BANP: variants seen among roughly 807,000 people sequenced by gnomAD.
The protein encoded by BANP is BTG3 associated nuclear protein.
BANP carries 11 observed loss-of-function variants against 68.1 expected under a neutral mutation model. That is an observed-to-expected ratio of 0.16 (90% CI 0.10 to 0.27). The LOEUF (loss-of-function observed/expected upper bound fraction) is 0.27, where lower values mean the gene tolerates loss of function less well. Among genes scored for constraint, BANP ranks in the 10% least tolerant of loss-of-function variants. The probability of loss-of-function intolerance (pLI) is 1.00; values close to 1 mark genes in which losing one functional copy is unlikely to be tolerated. For missense variants in BANP, 504 were observed against 722.7 expected (o/e 0.70, Z 3.47); for synonymous variants, 329 against 303.2 (o/e 1.09, Z -0.88).
At chr16:88,019,948 G>A (rs187103666) in intron 7 of BANP, among the ~76,000 whole-genome samples, 7 of 152,318 alleles carry the variant, frequency 4.6e-5, no homozygotes, top group Admixed American at 2.6e-4. Flanking sequence ...ACCCACATGC[G>A]TGTGAGCAGG....
chr16:88,055,288 C>T lies in BANP; in HGVS notation c.1312-9979C>T, dbSNP rs148827505. 4.8e-3 allele frequency among the ~76,000 whole-genome samples: 726 copies of T among 152,198 alleles called. 6 individuals are homozygous for T. Among genetic ancestry groups the T allele is most frequent in the African/African-American group, 0.016 (674 of 41,514 alleles). ...AATCCATACACCCACCCACCCCCTC[C>T]GCACACACACCCCTGAATGATTGAA... On this transcript the variant is annotated intron_variant, in intron 11 of 13. Transcript: ENST00000682872.
intron 2 of BANP, among the ~76,000 whole-genome samples, chr16:87,979,456 C>T (rs2062843189): frequency 1.3e-5 from 2 of 151,714 alleles, no homozygotes. Flanking sequence ...GGAACGGCTT[C>T]CCGAACTAGG....
chr16:88,026,595 A>T (rs924213985), intron 7 of BANP, among the ~76,000 whole-genome samples: 2 of 152,020 alleles, frequency 1.3e-5, no homozygotes, highest in Admixed American at 6.5e-5. Context: ...GAATTCTCCA[A>T]ACTGTGTTTA....
chr16:88,054,365 C>T (rs2084390448), intron 11 of BANP, among the ~76,000 whole-genome samples: 1 of 148,280 alleles, frequency 6.7e-6, no homozygotes, highest in African/African-American at 2.5e-5. Context: ...ACCCTAACAA[C>T]CACTACCACC....
chr16:88,076,916 G>T lies in BANP; in HGVS notation c.*255G>T. ...CGAGGGGAGGCACGGTGCGGAGAGC[G>T]TCGCATATGCGCGGGAAATCAAGAA... On this transcript the variant is annotated 3_prime_UTR_variant, in exon 14 of 14. Coordinates refer to ENST00000682872, the MANE Select transcript of BANP (RefSeq NM_001386991.1). 2.1e-6 allele frequency: 1 copy of T among 466,708 alleles called. No individual in the cohort carries two copies. Among genetic ancestry groups the T allele is most frequent in the Non-Finnish European group, 3.8e-6 (1 of 264,186 alleles). 28.9% of individuals were successfully genotyped at this position (466,708 alleles called of 1,614,324 possible).
At chr16:88,056,696 G>A (rs759535423) in intron 11 of BANP, among the ~76,000 whole-genome samples, 178 of 146,348 alleles carry the variant, frequency 1.2e-3, no homozygotes, top group African/African-American at 4.1e-3. Flanking sequence ...ATGTCAGACA[G>A]TGGTGGCAGG....
chr16:88,016,937 C>T (rs1355079663), intron 6 of BANP, among the ~76,000 whole-genome samples: 2 of 152,208 alleles, frequency 1.3e-5, no homozygotes, highest in African/African-American at 4.8e-5. Context: ...ACTGGCCTGC[C>T]CCTGTGACAA....
At chr16:88,072,776 G>T (rs1422001624) in intron 13 of BANP, among the ~76,000 whole-genome samples, 2 of 152,258 alleles carry the variant, frequency 1.3e-5, no homozygotes, top group Non-Finnish European at 2.9e-5. Flanking sequence ...GCCCCGTGAT[G>T]CCGTGGGCTG....
At chr16:87,985,714 G>T (rs114391544) in intron 4 of BANP, among the ~76,000 whole-genome samples, 2,472 of 152,286 alleles carry the variant, frequency 0.016, 67 homozygotes, top group African/African-American at 0.057. Flanking sequence ...GTCCCACCTG[G>T]TATGTTGCGT....
At chr16:88,067,969 G>A (rs750300652) in intron 12 of BANP, among the ~76,000 whole-genome samples, 11 of 150,198 alleles carry the variant, frequency 7.3e-5, no homozygotes, top group Non-Finnish European at 1.3e-4. Context: ...CAACAGACCC[G>A]CCCTCCCCCC....
At chr16:87,979,209 T>G (rs1234555584) in intron 2 of BANP, among the ~76,000 whole-genome samples, 2 of 152,154 alleles carry the variant, frequency 1.3e-5, no homozygotes, top group East Asian at 3.9e-4. Flanking sequence ...GGAATGTCAA[T>G]GTATGTAACA....
Position 88,018,682 on chromosome 16 carries a change from G to T in BANP, c.895+15G>T, listed in dbSNP as rs375486367. On this transcript the variant is annotated intron_variant, in intron 7 of 13. Coordinates refer to ENST00000682872, the MANE Select transcript of BANP (RefSeq NM_001386991.1). The surrounding 1 kb of genome is among the most constrained non-coding windows in gnomAD (Gnocchi z 7.7). Reference sequence around the variant, plus strand: ...CGGCATCCGGTGTAAGTCGGGCCCCGCCTTGGGGGACTGGGGTGTGCGGGG... The same window carrying T: ...CGGCATCCGGTGTAAGTCGGGCCCCTCCTTGGGGGACTGGGGTGTGCGGGG... 9.1e-4 allele frequency: 1,409 copies of T among 1,552,312 alleles called. No homozygotes were observed. The highest frequency in any genetic ancestry group is 1.2e-3 in the Non-Finnish European group (1,364 of 1,147,380).
chr16:88,003,128 TTC>T lies in BANP; in HGVS notation c.363-1166_363-1165del, dbSNP rs1486283078. Among the ~76,000 whole-genome samples the T allele has an allele frequency of 2.6e-5, 4 of 152,200 alleles. No individual in the cohort carries two copies. Among genetic ancestry groups the T allele is most frequent in the Non-Finnish European group, 4.4e-5 (3 of 68,024 alleles). Reference sequence around the variant, plus strand: ...CAAGCCAAAAGCCACCTGGGTTACTTTCCATACCTGACCTATAGGTCATTTGT... The same window carrying T: ...CAAGCCAAAAGCCACCTGGGTTACTTCATACCTGACCTATAGGTCATTTGT... On this transcript the variant is annotated intron_variant, in intron 4 of 13. Coordinates refer to ENST00000682872, the MANE Select transcript of BANP (RefSeq NM_001386991.1). The surrounding 1 kb of genome is among the most constrained non-coding windows in gnomAD (Gnocchi z 6.1).
chr16:88,045,479 C>T (rs1261261993), intron 11 of BANP, among the ~76,000 whole-genome samples: 1 of 152,226 alleles, frequency 6.6e-6, no homozygotes, highest in African/African-American at 2.4e-5. Flanking sequence ...GGGCCAGAGC[C>T]CAGGCTCTTC....
At chr16:88,001,834 C>T (rs909600124) in intron 4 of BANP, among the ~76,000 whole-genome samples, 5 of 151,248 alleles carry the variant, frequency 3.3e-5, no homozygotes, top group East Asian at 3.9e-4. Context: ...GCCTGGCTGT[C>T]GTATGCATTT....
At chr16:88,052,562 C>G (rs1489890264) in intron 11 of BANP, among the ~76,000 whole-genome samples, 2 of 151,994 alleles carry the variant, frequency 1.3e-5, no homozygotes, top group East Asian at 3.9e-4. Flanking sequence ...TCATCATCAC[C>G]TCCACCTACT....
In BANP at chr16:88,029,468, G is replaced by A. The variant is rs552962375; in HGVS notation, c.1063+1818G>A. Among the ~76,000 whole-genome samples the A allele has an allele frequency of 3.4e-3, 514 of 151,024 alleles. 2 individuals are homozygous for A. Among genetic ancestry groups the A allele is most frequent in the African/African-American group, 0.01 (428 of 41,130 alleles). On this transcript the variant is annotated intron_variant, in intron 8 of 13. Coordinates refer to ENST00000682872, the MANE Select transcript of BANP (RefSeq NM_001386991.1). ...ACTAAAAGTGTCAAAAAAATTAGCCGGGCGTGGTGGCTGGCGCCTGTAGTC... is the reference window on the plus strand; with the variant it reads ...ACTAAAAGTGTCAAAAAAATTAGCCAGGCGTGGTGGCTGGCGCCTGTAGTC...
At chr16:88,061,690 G>C (rs951045180) in intron 11 of BANP, among the ~76,000 whole-genome samples, 1 of 151,260 alleles carries the variant, frequency 6.6e-6, no homozygotes, top group African/African-American at 2.4e-5. Flanking sequence ...TTGAGACGGA[G>C]TTTTTGCTTT....
At position 87,972,310 on chromosome 16, in the gene BANP, A is replaced by G. The variant is rs548018115; in HGVS notation, c.-68-2738A>G. Among the ~76,000 whole-genome samples the G allele has an allele frequency of 2.8e-4, 37 of 130,382 alleles. No homozygotes were observed. The East Asian group carries it at 4.7e-3, about 16-fold the overall frequency. 85.5% of individuals were successfully genotyped at this position (130,382 alleles called of 152,430 possible). On this transcript the variant is annotated intron_variant, in intron 1 of 13. Coordinates refer to ENST00000682872, the MANE Select transcript of BANP (RefSeq NM_001386991.1). ...GAAGTTACTTTTTCTTTTGTTTCTA[A>G]TATATTCTGAGTTCTAGCACCTTGT...
Sources: gnomAD v4.1 joint callset for allele counts (sites outside exome capture counted in the v4.1 genomes callset) on GRCh38, gnomAD v4.1.1 for gene constraint, Gnocchi (gnomAD v3.1) non-coding constraint, MANE v1.5 for transcripts, NCBI Gene and HGNC (gene_info 2026-07-23, HGNC 2026-07-21) for gene names.